FOXP2: variants seen among roughly 807,000 people sequenced by gnomAD.
FOXP2 encodes the protein forkhead box protein P2.
A neutral mutation model predicts 115.8 loss-of-function variants in FOXP2; 12 were observed. That is an observed-to-expected ratio of 0.10 (90% CI 0.07 to 0.17). The LOEUF (loss-of-function observed/expected upper bound fraction) is 0.17. Among genes scored for constraint, FOXP2 ranks in the 10% least tolerant of loss-of-function variants. The pLI is 1.00. For synonymous variants in FOXP2, 328 were observed against 297.7 expected, an observed-to-expected ratio of 1.10 and a Z score of -1.05; for missense variants, 629 against 843.5, an observed-to-expected ratio of 0.75 and a Z score of 3.15.
At chr7:114,385,262 T>A (rs1329501152) in intron 2 of FOXP2, among the ~76,000 whole-genome samples, 1 of 152,064 alleles carries the variant, frequency 6.6e-6, no homozygotes, top group Non-Finnish European at 1.5e-5. Context: ...TACAACTTGC[T>A]AGAGGAAATG....
intron 3 of FOXP2, among the ~76,000 whole-genome samples, chr7:114,594,335 C>G (rs1443669390): frequency 6.6e-6 from 1 of 151,974 alleles, no homozygotes; most frequent in South Asian, 2.1e-4. Flanking sequence ...TTGGGCTACC[C>G]ACCTCACCCT....
chr7:114,280,316 G>T lies in FOXP2; in HGVS notation c.-101-7703G>T, dbSNP rs78165169. Among the ~76,000 whole-genome samples, 290 of 151,952 alleles carry T rather than the reference G, an allele frequency of 1.9e-3. 2 individuals carry two copies. The highest frequency in any genetic ancestry group is 3.7e-3 in the Non-Finnish European group (253 of 67,942). ...TCAGAATTCATCCTTTAATTTTATTGTCTGAAATTCTTTTCCTCTTTCCAA... is the reference window on the plus strand; with the variant it reads ...TCAGAATTCATCCTTTAATTTTATTTTCTGAAATTCTTTTCCTCTTTCCAA... On this transcript the variant is annotated intron_variant, in intron 1 of 17. Coordinates refer to the FOXP2 transcript ENST00000634411.
chr7:114,642,764 T>A (rs192038569), intron 7 of FOXP2, 141 bp downstream of exon 7: 1 of 318,080 alleles, frequency 3.1e-6, no homozygotes, highest in East Asian at 7.3e-5. Context: ...AGATTATTTA[T>A]CTTATTTTAT....
At chr7:114,354,787 A>G (rs914351171) in intron 2 of FOXP2, among the ~76,000 whole-genome samples, 6 of 152,186 alleles carry the variant, frequency 3.9e-5, no homozygotes, top group Non-Finnish European at 7.4e-5. Context: ...TTGAAATCAC[A>G]TATATGTGAA....
chr7:114,524,965 T>C (rs997008233), intron 2 of FOXP2, among the ~76,000 whole-genome samples: 1 of 152,114 alleles, frequency 6.6e-6, no homozygotes, highest in Non-Finnish European at 1.5e-5. Flanking sequence ...TCCCTTAAAG[T>C]CCTAGAGGAG....
intron 2 of FOXP2, among the ~76,000 whole-genome samples, chr7:114,307,779 G>T (rs1426226560): frequency 6.6e-6 from 1 of 152,148 alleles, no homozygotes; most frequent in African/African-American, 2.4e-5. Flanking sequence ...GGCATTGGGG[G>T]TGGGGAGAGG....
In FOXP2 at chr7:114,415,068, C is replaced by G; in HGVS notation, c.-303C>G. The G allele has an allele frequency of 2.2e-6, 1 of 454,130 alleles. No homozygotes were observed. The highest frequency in any genetic ancestry group is 1.6e-5 in the South Asian group (1 of 64,450). The allele number at this position is 454,130 out of a possible 1,614,324, so 28.1% of individuals were successfully genotyped here. On this transcript the variant is annotated 5_prime_UTR_variant, in exon 1 of 17. Coordinates refer to ENST00000350908, the MANE Select transcript of FOXP2 (RefSeq NM_014491.4). Reference sequence around the variant, plus strand: ...AGTGATTAAATGCTGATTTTGTGTACGATTGTCCACGGACGCCAAAACAAT... The same window carrying G: ...AGTGATTAAATGCTGATTTTGTGTAGGATTGTCCACGGACGCCAAAACAAT...
chr7:114,386,744 A>G (rs561756968), intron 2 of FOXP2, among the ~76,000 whole-genome samples: 13 of 152,340 alleles, frequency 8.5e-5, no homozygotes, highest in Non-Finnish European at 1.9e-4. Flanking sequence ...TTCTTAAACT[A>G]TTTGGGGATC....
At chr7:114,221,415 C>T (rs1377880658) in intron 1 of FOXP2, among the ~76,000 whole-genome samples, 2 of 151,962 alleles carry the variant, frequency 1.3e-5, no homozygotes, top group Non-Finnish European at 2.9e-5. Context: ...ATAAGTAACT[C>T]CAATATTTTT....
intron 8 of FOXP2, among the ~76,000 whole-genome samples, chr7:114,647,031 G>A (rs1183887771): frequency 1.3e-5 from 2 of 151,914 alleles, no homozygotes; most frequent in African/African-American, 4.8e-5. Context: ...TCCCTAAATT[G>A]TATATCCAGT....
intron 2 of FOXP2, chr7:114,499,835 A>T (rs1797485898): frequency 6.6e-6 from 1 of 152,210 alleles, no homozygotes; most frequent in South Asian, 2.1e-4. Flanking sequence ...TTATGTGCCT[A>T]TAGAAGATGC....
chr7:114,247,621 T>C (rs537222240), intron 1 of FOXP2, among the ~76,000 whole-genome samples: 40 of 152,310 alleles, frequency 2.6e-4, no homozygotes, highest in African/African-American at 9.4e-4. Context: ...GGCAGTCTTA[T>C]GTCCACTGAG....
chr7:114,341,544 T>C lies in FOXP2; in HGVS notation c.-11+53435T>C, dbSNP rs1339881616. ...TGATTTCCCTAATATGAACATCAAATGTGTTTAAAAATAATTCATTATTTA... is the reference window on the plus strand; with the variant it reads ...TGATTTCCCTAATATGAACATCAAACGTGTTTAAAAATAATTCATTATTTA... On this transcript the variant is annotated intron_variant, in intron 2 of 17. Coordinates refer to the FOXP2 transcript ENST00000634411. Among the ~76,000 whole-genome samples, 3 of 151,390 alleles carry C rather than the reference T, an allele frequency of 2.0e-5. No individual in the cohort carries two copies. The Admixed American group carries it at 2.0e-4, about 10-fold the overall frequency.
intron 1 of FOXP2, among the ~76,000 whole-genome samples, chr7:114,188,276 C>G (rs1793664675): frequency 6.6e-6 from 1 of 152,194 alleles, no homozygotes; most frequent in African/African-American, 2.4e-5. Context: ...CCTCTATAAT[C>G]TGGCTCCTGC....
intron 1 of FOXP2, among the ~76,000 whole-genome samples, chr7:114,232,956 C>T (rs1794922314): frequency 6.6e-6 from 1 of 152,078 alleles, no homozygotes; most frequent in African/African-American, 2.4e-5. Flanking sequence ...TATGAGGTAT[C>T]TAAAGTAGTC....
chr7:114,322,022 CTTTTTT>C (rs5886698), intron 2 of FOXP2, among the ~76,000 whole-genome samples: 1 of 128,390 alleles, frequency 7.8e-6, no homozygotes, highest in African/African-American at 2.8e-5. Flanking sequence ...CAGAGGATTC[CTTTTTT>C]TTTTTTTTTT....
intron 3 of FOXP2, among the ~76,000 whole-genome samples, chr7:114,612,997 T>TG (rs1803714401): frequency 3.3e-5 from 5 of 152,192 alleles, no homozygotes; most frequent in African/African-American, 1.2e-4. Flanking sequence ...TGTGTTACTT[T>TG]GTCAGTGGTT....
intron 2 of FOXP2, among the ~76,000 whole-genome samples, chr7:114,346,691 C>T (rs1791356848): frequency 6.6e-6 from 1 of 151,584 alleles, no homozygotes; most frequent in Non-Finnish European, 1.5e-5. Flanking sequence ...AAACAAATAC[C>T]ACATGACCTC....
intron 1 of FOXP2, among the ~76,000 whole-genome samples, chr7:114,143,742 A>G (rs185141067): frequency 7.6e-4 from 115 of 152,164 alleles, no homozygotes; most frequent in African/African-American, 2.6e-3. Flanking sequence ...TAATCCTACC[A>G]TGTGTCCAAA....
Sources: gnomAD v4.1 joint callset for allele counts (sites outside exome capture counted in the v4.1 genomes callset) on GRCh38, gnomAD v4.1.1 for gene constraint, MANE v1.5 for transcripts, NCBI Gene and HGNC (gene_info 2026-07-23, HGNC 2026-07-21) for gene names.